The following PRDM2 variants were observed in gnomAD, a reference collection of about 807,000 sequenced individuals.
PRDM2 encodes the protein PR domain zinc finger protein 2.
PRDM2 carries 30 observed loss-of-function variants against 130.0 expected under a neutral mutation model. The observed-to-expected ratio is 0.23, with a 90% CI of 0.17 to 0.31. PRDM2 has a LOEUF of 0.31. Ranked by LOEUF, PRDM2 falls within the 10% of genes least tolerant of loss-of-function variation. The pLI, the probability that PRDM2 is intolerant of heterozygous loss-of-function variation, is 1.00. For missense variants in PRDM2, 2,011 were observed against 2,108.4 expected, an observed-to-expected ratio of 0.95 and a Z score of 0.90; for synonymous variants, 871 against 782.4, an observed-to-expected ratio of 1.11 and a Z score of -1.89.
At chr1:13,730,532 G>A (rs1643067939) in intron 2 of PRDM2, among the ~76,000 whole-genome samples, 1 of 152,212 alleles carries the variant, frequency 6.6e-6, no homozygotes, top group South Asian at 2.1e-4. Context: ...TTGCTGGAGG[G>A]CAACATGGAT....
chr1:13,732,323 A>G (rs1643136066), intron 3 of PRDM2, among the ~76,000 whole-genome samples: 2 of 152,222 alleles, frequency 1.3e-5, no homozygotes, highest in South Asian at 4.1e-4. Context: ...ATTTATTCAT[A>G]AAACTATATT....
In PRDM2 at chr1:13,782,788, AAG is replaced by A; in HGVS notation, c.5000_5001del (p.Glu1667GlyfsTer34). On this transcript the variant is annotated frameshift_variant, in exon 8 of 10. Transcript: ENST00000311066. LOFTEE classifies it high-confidence loss of function. ...AGCTGCTGCTGACTTGAGTGAGAAC[AAG>A]AGAGAGGACGGCAGCGCCAAGCAGG... ...LAAAADLSEN[K>X]REDGSAKQEL... 6.2e-7 allele frequency: 1 copy of A among 1,610,306 alleles called. No individual in the cohort carries two copies. Among genetic ancestry groups the A allele is most frequent in the Non-Finnish European group, 8.5e-7 (1 of 1,179,054 alleles).
chr1:13,706,622 C>G (rs1642218518), intron 1 of PRDM2, among the ~76,000 whole-genome samples: 1 of 152,156 alleles, frequency 6.6e-6, no homozygotes, highest in South Asian at 2.1e-4. Context: ...TCTGTCCTTG[C>G]TCTGCACTGA....
At chr1:13,791,923 T>C (rs183254009) in intron 8 of PRDM2, among the ~76,000 whole-genome samples, 1 of 152,320 alleles carries the variant, frequency 6.6e-6, no homozygotes, top group Non-Finnish European at 1.5e-5. Context: ...CTGGAGACCA[T>C]AAACATTTTA....
At chr1:13,794,033 G>C (rs780221990) in intron 8 of PRDM2, among the ~76,000 whole-genome samples, 2 of 152,170 alleles carry the variant, frequency 1.3e-5, no homozygotes, top group Admixed American at 6.5e-5. Flanking sequence ...CTTCAGTTCA[G>C]CCTGGTCTGC....
At chr1:13,714,459 G>A (rs549210187) in intron 1 of PRDM2, among the ~76,000 whole-genome samples, 1 of 151,730 alleles carries the variant, frequency 6.6e-6, no homozygotes, top group South Asian at 2.1e-4. Context: ...ATGAATAAAA[G>A]TAGTTCAGAC....
chr1:13,749,113 A>G (rs1480638552), intron 5 of PRDM2, among the ~76,000 whole-genome samples: 1 of 151,920 alleles, frequency 6.6e-6, no homozygotes, highest in African/African-American at 2.4e-5. Flanking sequence ...GGGCTCCGCT[A>G]CCCGTCACCG....
chr1:13,814,598 G>T (rs1161536906), intron 8 of PRDM2, among the ~76,000 whole-genome samples: 1 of 152,216 alleles, frequency 6.6e-6, no homozygotes, highest in Admixed American at 6.5e-5. Flanking sequence ...AGGAGGTTTG[G>T]CAGCACCCCT....
chr1:13,821,431 CATTTATTTATTTATTT>C (rs112704883), intron 9 of PRDM2, among the ~76,000 whole-genome samples: 1,529 of 138,276 alleles, frequency 0.011, 20 homozygotes, highest in African/African-American at 0.027. Flanking sequence ...ATGCAGTGAA[CATTTATTTATTTATTT>C]ATTTATTTAT....
chr1:13,743,558 C>T (rs1260096721), intron 5 of PRDM2, among the ~76,000 whole-genome samples: 1 of 152,128 alleles, frequency 6.6e-6, no homozygotes, highest in African/African-American at 2.4e-5. Flanking sequence ...CACTTACTTC[C>T]ATTAAAAATG....
In PRDM2 at chr1:13,803,110, G is replaced by A. The variant is rs1243995404; in HGVS notation, c.5037-13317G>A. ...AATGGAGTGGGGAAGGTGGGCTGGG[G>A]AGGCCTGAGGGCTGTAGGGTTAGGT... On this transcript the variant is annotated intron_variant, in intron 8 of 9. Coordinates refer to ENST00000311066, the MANE Select transcript of PRDM2 (RefSeq NM_001393986.1). The surrounding 1 kb of genome is among the most constrained non-coding windows in gnomAD (Gnocchi z 6.2). 6.6e-6 allele frequency among the ~76,000 whole-genome samples: 1 copy of A among 152,214 alleles called. No individual in the cohort carries two copies. Among genetic ancestry groups the A allele is most frequent in the Non-Finnish European group, 1.5e-5 (1 of 68,040 alleles).
In PRDM2 at chr1:13,773,104, A is replaced by T. The variant is rs879244665; in HGVS notation, c.538A>T (p.Asn180Tyr). Reference protein sequence around the residue: ...KGKKKSQENKNKGNKIQDIQL... With the variant: ...KGKKKSQENKYKGNKIQDIQL... Reference sequence around the variant, plus strand: ...GAAGAAAAAATCCCAGGAAAATAAAAACAAAGGAAACAAAATCCAAGACAT... The same window carrying T: ...GAAGAAAAAATCCCAGGAAAATAAATACAAAGGAAACAAAATCCAAGACAT... Residue 180 changes from asparagine (N) to tyrosine (Y), a missense_variant, in exon 7 of 10, where the codon AAC becomes TAC. By Grantham distance (143) the Asn-to-Tyr change is moderately radical. Coordinates refer to ENST00000311066, the MANE Select transcript of PRDM2 (RefSeq NM_001393986.1). 5 of 1,560,084 alleles carry T rather than the reference A, an allele frequency of 3.2e-6. No individual in the cohort carries two copies. In the South Asian group the frequency reaches 6.3e-5, roughly 20 times the overall value.
At position 13,782,519 on chromosome 1, in the gene PRDM2, A is replaced by C. The variant is rs200202850; in HGVS notation, c.4724A>C (p.Asn1575Thr). Residue 1575 changes from asparagine to threonine, a missense_variant, in exon 8 of 10, where the codon AAC (asparagine) becomes ACC (threonine). By Grantham distance (65) the Asn-to-Thr change is moderately conservative (BLOSUM62 0). This residue lies in a region of PRDM2 where 410 missense variants were observed against 395.9 expected (regional missense o/e 1.04). Coordinates refer to ENST00000311066, the MANE Select transcript of PRDM2 (RefSeq NM_001393986.1). ...AAACCAAGCTCCTCCTCTTTAAGGA[A>C]CTCCAGCCCGATAAGAATGGCCAAA... The part of the protein sequence containing the change: ...SKKPSSSSLR[N>T]SSPIRMAKIT... 6.2e-7 allele frequency: 1 copy of C among 1,614,094 alleles called. No homozygotes were observed.
chr1:13,741,995 C>T lies in PRDM2; in HGVS notation c.232-10C>T. 1.3e-6 allele frequency: 2 copies of T among 1,519,390 alleles called. No individual in the cohort carries two copies. The highest frequency in any genetic ancestry group is 1.8e-6 in the Non-Finnish European group (2 of 1,105,610). The allele number at this position is 1,519,390 out of a possible 1,614,324, so 94.1% of individuals were successfully genotyped here. On this transcript the variant is annotated splice_polypyrimidine_tract_variant and intron_variant, in intron 4 of 9. Transcript: ENST00000311066. ...TTAACAAAAGTTTTTTACTTTTCTC[C>T]ATTTTCAAGGTGTATTACCCAAATT...
chr1:13,774,547 T>A (rs939573840), intron 7 of PRDM2, among the ~76,000 whole-genome samples: 2 of 152,196 alleles, frequency 1.3e-5, no homozygotes, highest in Non-Finnish European at 2.9e-5. Flanking sequence ...GAGTTTTTTT[T>A]GAACAACAAA....
At chr1:13,741,935 G>A in intron 4 of PRDM2, 70 bp from the exon 5 acceptor site, 1 of 1,273,576 alleles carries the variant, frequency 7.9e-7, no homozygotes. Flanking sequence ...ATCCTTAAAA[G>A]TTAAAAATGG....
At position 13,748,454 on chromosome 1, in the gene PRDM2, CAT is replaced by C. The variant is rs373788736; in HGVS notation, c.385-906_385-905del. 3.8e-3 allele frequency among the ~76,000 whole-genome samples: 579 copies of C among 152,316 alleles called. 3 individuals carry two copies. The highest frequency in any genetic ancestry group is 0.013 in the African/African-American group (539 of 41,562). The stretch of plus-strand genomic sequence containing the variant: ...ATTCCTTCCTTTCTTCATTCATTCA[CAT>C]GAGGCTGGACTCACGGATTCTCATT... On this transcript the variant is annotated intron_variant, in intron 5 of 9. Coordinates refer to ENST00000311066, the MANE Select transcript of PRDM2 (RefSeq NM_001393986.1).
intron 6 of PRDM2, among the ~76,000 whole-genome samples, chr1:13,756,300 T>C (rs1643951859): frequency 6.6e-6 from 1 of 150,594 alleles, no homozygotes; most frequent in Non-Finnish European, 1.5e-5. Flanking sequence ...CTTGGATAAA[T>C]ATCCCAAGAA....
At position 13,816,488 on chromosome 1, in the gene PRDM2, T is replaced by C; in HGVS notation, c.5098T>C (p.Tyr1700His). 3 of 1,613,956 alleles carry C rather than the reference T, an allele frequency of 1.9e-6. No individual in the cohort carries two copies. Among genetic ancestry groups the C allele is most frequent in the Non-Finnish European group, 2.5e-6 (3 of 1,179,904 alleles). Residue 1700 changes from tyrosine to histidine, a missense_variant, in exon 9 of 10, where the codon TAT (tyrosine) becomes CAT (histidine). Transcript: ENST00000311066. The part of the protein sequence containing the change: ...PPAAPYITRQ[Y>H]RKVKAPAAAQ... The stretch of plus-strand genomic sequence containing the variant: ...AGCGGCCCCGTACATCACCAGGCAG[T>C]ATAGGAAGGTCAAAGCTCCAGCTGC...
Sources: gnomAD v4.1 joint callset for allele counts (sites outside exome capture counted in the v4.1 genomes callset) on GRCh38, gnomAD v4.1.1 for gene constraint, gnomAD v4.1.1 regional missense constraint, Gnocchi (gnomAD v3.1) non-coding constraint, MANE v1.5 for transcripts, NCBI Gene and HGNC (gene_info 2026-07-23, HGNC 2026-07-21) for gene names.